The following KDM2A variants were observed in gnomAD, a reference collection of about 807,000 sequenced individuals.
KDM2A encodes lysine demethylase 2A.
A neutral mutation model predicts 137.3 loss-of-function variants in KDM2A; 3 were observed. The observed-to-expected ratio is 0.02, with a 90% CI of 0.01 to 0.06. The LOEUF (loss-of-function observed/expected upper bound fraction) is 0.06. Among genes scored for constraint, KDM2A ranks in the 10% least tolerant of loss-of-function variants. The pLI is 1.00. For missense variants in KDM2A, 738 were observed against 1,510.6 expected (o/e 0.49, Z 8.48); for synonymous variants, 512 against 541.5 (o/e 0.95, Z 0.76).
chr11:67,121,388 C>G (rs769293835), intron 2 of KDM2A, 30 bp downstream of exon 2: 1 of 1,603,664 alleles, frequency 6.2e-7, no homozygotes, highest in Admixed American at 1.7e-5. Flanking sequence ...ACCACACCCT[C>G]CAGTTTTAAA....
At chr11:67,197,851 A>T (rs1857518148) in intron 5 of KDM2A, among the ~76,000 whole-genome samples, 1 of 152,202 alleles carries the variant, frequency 6.6e-6, no homozygotes, top group South Asian at 2.1e-4. Flanking sequence ...AGCAAGTCAG[A>T]AATCTACATA....
intron 5 of KDM2A, among the ~76,000 whole-genome samples, chr11:67,190,658 G>T (rs777787549): frequency 6.6e-6 from 1 of 152,106 alleles, no homozygotes; most frequent in African/African-American, 2.4e-5. Flanking sequence ...CTACTCAGGA[G>T]GCTGAGTCAT....
intron 2 of KDM2A, among the ~76,000 whole-genome samples, chr11:67,162,560 C>G (rs1325558008): frequency 6.6e-6 from 1 of 151,950 alleles, no homozygotes; most frequent in Non-Finnish European, 1.5e-5. Context: ...CATGCGCCAC[C>G]ACACCCAGCT....
intron 8 of KDM2A, among the ~76,000 whole-genome samples, chr11:67,216,875 G>A (rs553308683): frequency 1.3e-5 from 2 of 151,638 alleles, no homozygotes; most frequent in African/African-American, 2.4e-5. Flanking sequence ...AGCTGAGATC[G>A]CGCCATTGCA....
intron 2 of KDM2A, among the ~76,000 whole-genome samples, chr11:67,150,559 T>A (rs761691951): frequency 2.6e-5 from 4 of 152,206 alleles, no homozygotes; most frequent in Non-Finnish European, 5.9e-5. Context: ...ATGATGTTAG[T>A]TCTCTGGAAA....
chr11:67,185,790 C>T (rs182067723), intron 5 of KDM2A, among the ~76,000 whole-genome samples: 6 of 151,990 alleles, frequency 3.9e-5, no homozygotes, highest in Admixed American at 2.6e-4. Flanking sequence ...AGCATGAGTT[C>T]GGCCCCTTCG....
rs1590807235 is a variant in KDM2A, at chr11:67,228,281, A to G, written c.1084+118A>G. 3 of 1,104,128 alleles carry G rather than the reference A, an allele frequency of 2.7e-6. No homozygotes were observed. The East Asian group carries it at 7.2e-5, about 26-fold the overall frequency. 68.4% of individuals were successfully genotyped at this position (1,104,128 alleles called of 1,614,324 possible). ...TGGTTTTTTAATTCATCTACTTGGA[A>G]GTACCAAATTCATCACTGGAATTGA... On this transcript the variant is annotated intron_variant, in intron 11 of 20. Transcript: ENST00000529006.
At chr11:67,137,998 A>T (rs1368897734) in intron 2 of KDM2A, among the ~76,000 whole-genome samples, 1 of 152,116 alleles carries the variant, frequency 6.6e-6, no homozygotes, top group African/African-American at 2.4e-5. Context: ...GGGTTTCACC[A>T]TGTTGGCCAG....
chr11:67,132,941 A>T (rs966195846), intron 2 of KDM2A, among the ~76,000 whole-genome samples: 2 of 152,196 alleles, frequency 1.3e-5, no homozygotes, highest in African/African-American at 4.8e-5. Context: ...AGAAATGGAA[A>T]GGAAGAGATA....
intron 6 of KDM2A, among the ~76,000 whole-genome samples, chr11:67,210,260 G>T (rs7949844): frequency 6.6e-6 from 1 of 151,680 alleles, no homozygotes; most frequent in South Asian, 2.1e-4. Flanking sequence ...TACTCAGGGG[G>T]TTGAGGCAGG....
At chr11:67,203,347 G>T (rs992728810) in intron 5 of KDM2A, among the ~76,000 whole-genome samples, 4 of 151,136 alleles carry the variant, frequency 2.6e-5, no homozygotes, top group Admixed American at 2.6e-4. Flanking sequence ...CAATGATCTG[G>T]AACTGAACCC....
chr11:67,184,791 T>C (rs919043759), intron 5 of KDM2A, among the ~76,000 whole-genome samples: 1 of 152,110 alleles, frequency 6.6e-6, no homozygotes, highest in Non-Finnish European at 1.5e-5. Flanking sequence ...AAAACTTAAG[T>C]GTATACCTCA....
chr11:67,203,513 T>C lies in KDM2A; in HGVS notation c.308-3997T>C, dbSNP rs1031368202. On this transcript the variant is annotated intron_variant, in intron 5 of 20. Transcript: ENST00000529006. ...TAATATATTTTTATATAATATATAA[T>C]ATAAAATATATAATAAATAAGTAGT... Among the ~76,000 whole-genome samples, 5 of 147,604 alleles carry C rather than the reference T, an allele frequency of 3.4e-5. No homozygotes were observed. In the East Asian group the frequency reaches 7.8e-4, roughly 23 times the overall value.
chr11:67,187,943 C>T (rs1222729029), intron 5 of KDM2A, among the ~76,000 whole-genome samples: 1 of 151,934 alleles, frequency 6.6e-6, no homozygotes, highest in Non-Finnish European at 1.5e-5. Flanking sequence ...ACCTAAAATC[C>T]CAGCACTTTG....
chr11:67,143,601 G>A (rs1047443942), intron 2 of KDM2A, among the ~76,000 whole-genome samples: 7 of 151,484 alleles, frequency 4.6e-5, no homozygotes, highest in Non-Finnish European at 1.0e-4. Context: ...TTTCGCTTTT[G>A]TCTGTCTGTC....
intron 5 of KDM2A, among the ~76,000 whole-genome samples, chr11:67,204,495 C>CTT (rs749577884): frequency 4.3e-5 from 6 of 140,478 alleles, no homozygotes; most frequent in Non-Finnish European, 6.2e-5. Context: ...TTTCTTTTTT[C>CTT]TTTTTTTTTT....
chr11:67,151,587 G>A (rs1856391854), intron 2 of KDM2A, among the ~76,000 whole-genome samples: 1 of 151,978 alleles, frequency 6.6e-6, no homozygotes, highest in South Asian at 2.1e-4. Flanking sequence ...CTGACCTCAG[G>A]TGATCTGCCC....
Position 67,257,997 on chromosome 11 carries a change from C to A in KDM2A, c.*2942C>A, listed in dbSNP as rs1046434314. 1 of 152,020 alleles carries A rather than the reference C, an allele frequency of 6.6e-6. No homozygotes were observed. The highest frequency in any genetic ancestry group is 2.1e-4 in the South Asian group (1 of 4,820). The allele number at this position is 152,020 out of a possible 1,614,324, so 9.4% of individuals were successfully genotyped here. A position where few individuals can be genotyped will look rare whatever the true frequency, so the allele number is the denominator to read the frequency against. Reference sequence around the variant, plus strand: ...AAAAGACAAAAAAAGAAATAGCCTCCAATGGGAAATATTTTAATTTAGGTT... The same window carrying A: ...AAAAGACAAAAAAAGAAATAGCCTCAAATGGGAAATATTTTAATTTAGGTT... On this transcript the variant is annotated 3_prime_UTR_variant, in exon 21 of 21. Coordinates refer to ENST00000529006, the MANE Select transcript of KDM2A (RefSeq NM_012308.3).
chr11:67,166,960 C>T (rs1856762579), intron 2 of KDM2A, among the ~76,000 whole-genome samples: 1 of 152,116 alleles, frequency 6.6e-6, no homozygotes, highest in Admixed American at 6.5e-5. Flanking sequence ...CGCCTGTAAT[C>T]CCAGCTATTC....
Sources: gnomAD v4.1 joint callset for allele counts (sites outside exome capture counted in the v4.1 genomes callset) on GRCh38, gnomAD v4.1.1 for gene constraint, MANE v1.5 for transcripts, NCBI Gene and HGNC (gene_info 2026-07-23, HGNC 2026-07-21) for gene names.